Variants in COG1 observed in about 807,000 individuals in gnomAD.
The protein encoded by COG1 is conserved oligomeric Golgi complex subunit 1.
Under a neutral mutation model 102.2 loss-of-function variants are expected in COG1, and 61 were observed. The ratio of observed to expected loss-of-function variants is 0.60; its 90% CI spans 0.49 to 0.74. The LOEUF is 0.74. COG1 is among the 30% of genes least tolerant of loss of function. The probability of loss-of-function intolerance (pLI) is 0.00; values close to 1 mark genes in which losing one functional copy is unlikely to be tolerated. For missense variants in COG1, 1,164 were observed against 1,232.1 expected, an observed-to-expected ratio of 0.94 and a Z score of 0.83; for synonymous variants, 454 against 493.6, an observed-to-expected ratio of 0.92 and a Z score of 1.06.
Position 73,199,894 on chromosome 17 carries a change from A to G in COG1, c.943A>G (p.Met315Val). The G allele has an allele frequency of 6.2e-7, 1 of 1,614,192 alleles. No homozygotes were observed. Among genetic ancestry groups the G allele is most frequent in the Non-Finnish European group, 8.5e-7 (1 of 1,180,048 alleles). The change falls in exon 5 of 14, where the codon ATG (methionine) becomes GTG (valine). Residue 315 changes from methionine (M) to valine (V), a missense_variant. Coordinates refer to ENST00000299886, the MANE Select transcript of COG1 (RefSeq NM_018714.3). ...GGGCACTGGTGTCCTGCAGGAAGAG[A>G]TGAAACTCTGCAGCTGGTTTAAACA... ...GKGTGVLQEE[M>V]KLCSWFKHLP...
rs372590378 is a variant in COG1, at chr17:73,193,135, C to T, written c.66C>T (p.Phe22=). The T allele has an allele frequency of 5.0e-6, 8 of 1,610,774 alleles. No individual in the cohort carries two copies. The East Asian group carries it at 1.3e-4, about 27-fold the overall frequency. The change falls in exon 1 of 14, where the codon TTC becomes TTT. Residue 22 remains phenylalanine (F), a synonymous_variant. Coordinates refer to ENST00000299886, the MANE Select transcript of COG1 (RefSeq NM_018714.3). ...ATCTGCGCGACCCTGCGGCTCTTTT[C>T]GAGACGCATGGAGCGGAGGAGATCC... ...RLDLRDPAAL[F]ETHGAEEIRG... is the part of the protein sequence containing the mutation.
chr17:73,206,694 C>G lies in COG1; in HGVS notation c.2620-14C>G. 1 of 1,583,278 alleles carries G rather than the reference C, an allele frequency of 6.3e-7. No homozygotes were observed. The highest frequency in any genetic ancestry group is 8.7e-7 in the Non-Finnish European group (1 of 1,153,372). ...CTGCACAATGAAACCTCTGCTCCACCTCTTGTCTGCCAGGTTCTGTTTGGA... is the reference window on the plus strand; with the variant it reads ...CTGCACAATGAAACCTCTGCTCCACGTCTTGTCTGCCAGGTTCTGTTTGGA... On this transcript the variant is annotated splice_polypyrimidine_tract_variant and intron_variant, in intron 11 of 13. Coordinates refer to ENST00000299886, the MANE Select transcript of COG1 (RefSeq NM_018714.3).
Position 73,201,225 on chromosome 17 carries a change from C to G in COG1, c.1398C>G (p.His466Gln). The G allele has an allele frequency of 3.1e-6, 5 of 1,614,166 alleles. No individual in the cohort carries two copies. The highest frequency in any genetic ancestry group is 4.2e-6 in the Non-Finnish European group (5 of 1,180,026). Residue 466 changes from histidine (H) to glutamine (Q), a missense_variant, in exon 7 of 14, where the codon CAC becomes CAG. His to Gln is a conservative substitution (Grantham distance 24). Transcript: ENST00000299886. ...ACTCCCCTTCAAATAAGCACATCCA[C>G]TTTGAGTACAACATGTCGCTCTTCC... is the stretch of plus-strand genomic sequence containing the variant. ...TSNSPSNKHI[H>Q]FEYNMSLFLW...
At chr17:73,200,962 T>A in intron 6 of COG1, 147 bp from the exon 7 acceptor site, 1 of 913,618 alleles carries the variant, frequency 1.1e-6, no homozygotes, top group Non-Finnish European at 1.7e-6. Flanking sequence ...TGTTCATCAA[T>A]AATGGCTTTA....
At position 73,193,259 on chromosome 17, in the gene COG1, G is replaced by A. The variant is rs569505928; in HGVS notation, c.190G>A (p.Asp64Asn). Residue 64 changes from aspartate to asparagine, a missense_variant, in exon 1 of 14, where the codon GAC becomes AAC. Transcript: ENST00000299886. ...ERYRDLIEAADTIGQMRRCAV... is the reference protein window; with the variant it reads ...ERYRDLIEAANTIGQMRRCAV... The stretch of plus-strand genomic sequence containing the variant: ...GTACCGCGACCTGATCGAGGCGGCC[G>A]ACACCATCGGCCAGATGCGCCGCTG... 2.2e-5 allele frequency: 36 copies of A among 1,607,272 alleles called. No individual in the cohort carries two copies. The South Asian group carries it at 3.8e-4, about 17-fold the overall frequency.
rs149643307 is a variant in COG1 at position 73,208,134 on chromosome 17, C to T, written c.2806-180C>T. 794 of 1,487,666 alleles carry T rather than the reference C, an allele frequency of 5.3e-4. 7 individuals are homozygous for T. In the African/African-American group the frequency reaches 9.6e-3, roughly 18 times the overall value. The allele number at this position is 1,487,666 out of a possible 1,614,324, so 92.2% of individuals were successfully genotyped here. A position where few individuals can be genotyped will look rare whatever the true frequency, so the allele number is the denominator to read the frequency against. On this transcript the variant is annotated intron_variant, in intron 13 of 13. Coordinates refer to ENST00000299886, the MANE Select transcript of COG1 (RefSeq NM_018714.3). ...AAATTCTAGTTTTGTCACAAAGGCT[C>T]ATGCTGTTCCGTGTCCTCTTCAAAT...
At chr17:73,205,767 G>A in intron 10 of COG1, 87 bp downstream of exon 10, 1 of 1,508,274 alleles carries the variant, frequency 6.6e-7, no homozygotes, top group East Asian at 2.3e-5. Context: ...GAGTCAGCCT[G>A]TTATACTGCA....
intron 10 of COG1, chr17:73,205,886 T>C (rs562285925): frequency 4.1e-6 from 3 of 723,612 alleles, no homozygotes; most frequent in East Asian, 5.4e-5. Flanking sequence ...GGACTCTTAT[T>C]CCCCTCTCTT....
chr17:73,207,568 G>C lies in COG1; in HGVS notation c.2805+312G>C, dbSNP rs937643738. On this transcript the variant is annotated intron_variant, in intron 13 of 13. Coordinates refer to ENST00000299886, the MANE Select transcript of COG1 (RefSeq NM_018714.3). ...TAACTGCCAACCCGGCACTATCATT[G>C]TACTTGTTTGGAGAAAATCTGTTTT... The C allele has an allele frequency of 5.6e-6, 4 of 714,468 alleles. No homozygotes were observed. In the African/African-American group the frequency reaches 7.2e-5, roughly 13 times the overall value. 44.3% of individuals were successfully genotyped at this position (714,468 alleles called of 1,614,324 possible). A position where few individuals can be genotyped will look rare whatever the true frequency, so the allele number is the denominator to read the frequency against.
chr17:73,197,480 T>C, intron 4 of COG1, 84 bp downstream of exon 4: 1 of 1,469,552 alleles, frequency 6.8e-7, no homozygotes, highest in Non-Finnish European at 9.4e-7. Flanking sequence ...GCCACCATGC[T>C]AGGCTCTGGG....
At position 73,201,883 on chromosome 17, in the gene COG1, A is replaced by G. The variant is rs754861527; in HGVS notation, c.2056A>G (p.Ser686Gly). The G allele has an allele frequency of 1.9e-6, 3 of 1,614,190 alleles. No individual in the cohort carries two copies. Among genetic ancestry groups the G allele is most frequent in the Middle Eastern group, 1.6e-4 (1 of 6,062 alleles). The change falls in exon 7 of 14, where the codon AGC becomes GGC. Residue 686 changes from serine (S) to glycine (G), a missense_variant. Physicochemically the swap from Ser to Gly is moderately conservative, Grantham distance 56. Coordinates refer to ENST00000299886, the MANE Select transcript of COG1 (RefSeq NM_018714.3). ...QQSVMGYQVW[S>G]SAVVKVLIHG... The stretch of plus-strand genomic sequence containing the variant: ...GAGCGTGATGGGCTACCAGGTCTGG[A>G]GCAGTGCAGTTGTGAAAGTGAGTGA...
At chr17:73,204,466 G>A (rs74996636) in intron 9 of COG1, among the ~76,000 whole-genome samples, 8,141 of 152,184 alleles carry the variant, frequency 0.053, 249 homozygotes, top group Middle Eastern at 0.082. Flanking sequence ...GCTTACTTAC[G>A]GGGAGTTCTT....
intron 4 of COG1, among the ~76,000 whole-genome samples, chr17:73,198,569 G>A (rs1295396559): frequency 6.6e-6 from 1 of 152,192 alleles, no homozygotes; most frequent in African/African-American, 2.4e-5. Context: ...CTGGGTGACA[G>A]AGCGAGAACC....
rs2061393965 is a variant in COG1 at position 73,208,314 on chromosome 17, G to A, written c.2806G>A (p.Val936Ile). 1 of 1,613,372 alleles carries A rather than the reference G, an allele frequency of 6.2e-7. No individual in the cohort carries two copies. Among genetic ancestry groups the A allele is most frequent in the South Asian group, 1.1e-5 (1 of 91,048 alleles). ...STRNIETKAQ[V>I]VPPARSTAGD... is the part of the protein sequence containing the mutation. ...CACTTTTCTCTACATCCAATGGCAG[G>A]TTGTCCCCCCGGCACGCTCCACAGC... Residue 936 changes from valine (V) to isoleucine (I), a missense_variant and splice_region_variant, in exon 14 of 14, where the codon GTT (valine) becomes ATT (isoleucine). Val to Ile is a conservative substitution (Grantham distance 29). Transcript: ENST00000299886.
At chr17:73,194,130 C>A (rs1446030781) in intron 1 of COG1, among the ~76,000 whole-genome samples, 1 of 152,014 alleles carries the variant, frequency 6.6e-6, no homozygotes, top group Non-Finnish European at 1.5e-5. Context: ...CATATTGGAG[C>A]TGCAGCTTGC....
intron 13 of COG1, 131 bp from the exon 14 acceptor site, chr17:73,208,183 G>C: frequency 6.4e-7 from 1 of 1,561,332 alleles, no homozygotes; most frequent in East Asian, 2.3e-5. Flanking sequence ...AAAGTCCTCT[G>C]ACTAGAGCCA....
chr17:73,194,157 T>TTTTTTTTTTTTTTTTTTAG (rs1167408811), intron 1 of COG1, among the ~76,000 whole-genome samples: 5 of 150,864 alleles, frequency 3.3e-5, no homozygotes, highest in Non-Finnish European at 5.9e-5. Context: ...AAAGAATTTT[T>TTTTTTTTTTTTTTTTTTAG]ATTGGCCGGG....
intron 8 of COG1, 144 bp downstream of exon 8, chr17:73,203,290 G>T: frequency 9.8e-7 from 1 of 1,021,346 alleles, no homozygotes; most frequent in South Asian, 1.4e-5. Flanking sequence ...CATAGTAGAT[G>T]TAGGGCTAAG....
At chr17:73,205,399 TTTG>T (rs2145103377) in intron 9 of COG1, 151 bp from the exon 10 acceptor site, 1 of 780,608 alleles carries the variant, frequency 1.3e-6, no homozygotes, top group Admixed American at 2.0e-5. Context: ...CAAAATTTGT[TTTG>T]TTGTTGTGAG....
Sources: gnomAD v4.1 joint callset for allele counts (sites outside exome capture counted in the v4.1 genomes callset) on GRCh38, gnomAD v4.1.1 for gene constraint, MANE v1.5 for transcripts, NCBI Gene and HGNC (gene_info 2026-07-23, HGNC 2026-07-21) for gene names.